The following FHOD3 variants were observed in gnomAD, a reference collection of about 807,000 sequenced individuals.
The protein encoded by FHOD3 is formin homology 2 domain containing 3, also known as FH1/FH2 domain-containing protein 3.
Under a neutral mutation model 173.0 loss-of-function variants are expected in FHOD3, and 90 were observed. The ratio of observed to expected loss-of-function variants is 0.52; its 90% CI spans 0.44 to 0.62. FHOD3 has a LOEUF of 0.62. Among genes scored for constraint, FHOD3 ranks in the 20% least tolerant of loss-of-function variants. FHOD3 has a pLI of 0.00. For synonymous variants in FHOD3, 828 were observed against 823.0 expected (o/e 1.01, Z -0.10); for missense variants, 1,945 against 2,034.7 (o/e 0.96, Z 0.85).
chr18:36,347,409 G>C (rs1395047513), intron 1 of FHOD3, among the ~76,000 whole-genome samples: 10 of 152,150 alleles, frequency 6.6e-5, no homozygotes, highest in African/African-American at 2.4e-4. Flanking sequence ...ATTTGATAGA[G>C]GCTCTTGCCT....
chr18:36,562,415 T>G (rs2058119608), intron 5 of FHOD3, among the ~76,000 whole-genome samples: 1 of 152,232 alleles, frequency 6.6e-6, no homozygotes, highest in Admixed American at 6.5e-5. Flanking sequence ...GGGACTGTCT[T>G]GTTTAAAAAC....
chr18:36,600,117 A>G (rs910460675), intron 7 of FHOD3, among the ~76,000 whole-genome samples: 1 of 152,172 alleles, frequency 6.6e-6, no homozygotes, highest in African/African-American at 2.4e-5. Context: ...CAGTCATCCC[A>G]GAGGCCTTAG....
chr18:36,730,903 G>A, intron 20 of FHOD3, 99 bp downstream of exon 20: 2 of 1,258,818 alleles, frequency 1.6e-6, no homozygotes, highest in South Asian at 3.0e-5. Flanking sequence ...GTGCCTTTCT[G>A]TCTCAACTAG....
intron 19 of FHOD3, among the ~76,000 whole-genome samples, chr18:36,725,261 T>C (rs1000222925): frequency 6.6e-6 from 1 of 152,202 alleles, no homozygotes; most frequent in Non-Finnish European, 1.5e-5. Context: ...AAACCCAATG[T>C]CCTGTTGCTC....
intron 1 of FHOD3, among the ~76,000 whole-genome samples, chr18:36,322,043 AGCTGG>A (rs2044424219): frequency 2.0e-5 from 3 of 152,112 alleles, no homozygotes; most frequent in Admixed American, 2.0e-4. Context: ...TGTGGTTGGT[AGCTGG>A]GATGGAGTGT....
At chr18:36,495,915 C>T (rs1005259821) in intron 3 of FHOD3, among the ~76,000 whole-genome samples, 2 of 152,190 alleles carry the variant, frequency 1.3e-5, no homozygotes, top group Non-Finnish European at 2.9e-5. Context: ...CCTGAATCTA[C>T]ATAGACAGGC....
intron 3 of FHOD3, among the ~76,000 whole-genome samples, chr18:36,391,402 C>T (rs7232430): frequency 0.36 from 55,050 of 151,926 alleles, 10,451 homozygotes; most frequent in East Asian, 0.68. Flanking sequence ...GACAGGGATC[C>T]CTTGGCCTGG....
At chr18:36,473,396 A>C (rs1439732308) in intron 3 of FHOD3, among the ~76,000 whole-genome samples, 6 of 152,250 alleles carry the variant, frequency 3.9e-5, no homozygotes, top group African/African-American at 1.4e-4. Flanking sequence ...CCTGGGTGAC[A>C]GAGTGAGACT....
intron 8 of FHOD3, among the ~76,000 whole-genome samples, chr18:36,603,550 C>T (rs2031682732): frequency 6.6e-6 from 1 of 152,068 alleles, no homozygotes; most frequent in South Asian, 2.1e-4. Flanking sequence ...GTTGCCCAGG[C>T]TGGAGTGCAG....
chr18:36,738,004 C>G (rs2041724769), intron 20 of FHOD3, among the ~76,000 whole-genome samples: 1 of 152,200 alleles, frequency 6.6e-6, no homozygotes. Flanking sequence ...GTACCCTCAA[C>G]CCACCTCTGG....
intron 20 of FHOD3, among the ~76,000 whole-genome samples, chr18:36,735,775 C>T (rs1439004279): frequency 6.6e-6 from 1 of 152,182 alleles, no homozygotes; most frequent in East Asian, 1.9e-4. Context: ...CACCAAAATC[C>T]TTGTGGCAGA....
chr18:36,666,393 A>C (rs2037183017), intron 14 of FHOD3, among the ~76,000 whole-genome samples: 2 of 152,208 alleles, frequency 1.3e-5, no homozygotes, highest in South Asian at 4.1e-4. Context: ...CTATGAAGGA[A>C]GATTCTTAAT....
At chr18:36,334,249 C>G (rs2045183052) in intron 1 of FHOD3, among the ~76,000 whole-genome samples, 1 of 152,210 alleles carries the variant, frequency 6.6e-6, no homozygotes, top group South Asian at 2.1e-4. Context: ...TTTAATAATA[C>G]TTATTCATTA....
At chr18:36,389,423 T>A (rs770494482) in intron 3 of FHOD3, among the ~76,000 whole-genome samples, 3 of 152,212 alleles carry the variant, frequency 2.0e-5, no homozygotes, top group Non-Finnish European at 4.4e-5. Context: ...GCAAACAGTG[T>A]CACCTGTGAT....
intron 1 of FHOD3, among the ~76,000 whole-genome samples, chr18:36,308,258 A>C (rs1439853504): frequency 6.6e-6 from 1 of 152,144 alleles, no homozygotes. Flanking sequence ...ACGAATTCTC[A>C]ATGTTTAGTT....
At chr18:36,626,135 C>T (rs1024995532) in intron 10 of FHOD3, among the ~76,000 whole-genome samples, 2 of 152,188 alleles carry the variant, frequency 1.3e-5, no homozygotes, top group Non-Finnish European at 2.9e-5. Flanking sequence ...TCTCGCGATA[C>T]TCCTGACAAT....
At chr18:36,749,253 G>T (rs1026906223) in intron 24 of FHOD3, among the ~76,000 whole-genome samples, 1 of 152,130 alleles carries the variant, frequency 6.6e-6, no homozygotes, top group African/African-American at 2.4e-5. Context: ...TGTCATGGGG[G>T]TTTGTTGTAC....
intron 1 of FHOD3, among the ~76,000 whole-genome samples, chr18:36,352,036 A>G (rs1022705792): frequency 6.6e-6 from 1 of 152,158 alleles, no homozygotes; most frequent in Admixed American, 6.5e-5. Context: ...AGTATGTGCT[A>G]GTGCTGGCCT....
At position 36,651,047 on chromosome 18, in the gene FHOD3, C is replaced by T. The variant is rs8094695; in HGVS notation, c.1287-1523C>T. 3.2e-3 allele frequency among the ~76,000 whole-genome samples: 481 copies of T among 152,252 alleles called. 3 individuals carry two copies. Among genetic ancestry groups the T allele is most frequent in the African/African-American group, 0.011 (457 of 41,542 alleles). On this transcript the variant is annotated intron_variant, in intron 11 of 28. Transcript: ENST00000590592. ...CATCTGGATGTTATTTGTTCTCTGG[C>T]GTAAACTTCTGAGACCGTAAAGGAT... is the stretch of plus-strand genomic sequence containing the variant.
Sources: gnomAD v4.1 joint callset for allele counts (sites outside exome capture counted in the v4.1 genomes callset) on GRCh38, gnomAD v4.1.1 for gene constraint, MANE v1.5 for transcripts, NCBI Gene and HGNC (gene_info 2026-07-23, HGNC 2026-07-21) for gene names.